Variants in PTPN13 observed in about 807,000 individuals in gnomAD.
PTPN13 encodes the protein protein tyrosine phosphatase non-receptor type 13.
PTPN13 carries 191 observed loss-of-function variants against 284.0 expected under a neutral mutation model. That is an observed-to-expected ratio of 0.67 (90% CI 0.60 to 0.76). The LOEUF is 0.76. Among genes scored for constraint, PTPN13 ranks in the 30% least tolerant of loss-of-function variants. PTPN13 has a pLI of 0.00. For missense variants in PTPN13, 2,797 were observed against 2,939.9 expected (o/e 0.95, Z 1.12); for synonymous variants, 986 against 1,022.3 (o/e 0.96, Z 0.68).
At chr4:86,680,401 C>CTA (rs1554306720) in intron 3 of PTPN13, among the ~76,000 whole-genome samples, 2 of 132,820 alleles carry the variant, frequency 1.5e-5, no homozygotes, top group East Asian at 2.1e-4. Context: ...ATCTATCTAT[C>CTA]TCTATCTCTA....
chr4:86,694,678 T>C (rs1029311133), intron 6 of PTPN13, among the ~76,000 whole-genome samples: 10 of 151,950 alleles, frequency 6.6e-5, no homozygotes, highest in African/African-American at 2.4e-4. Flanking sequence ...ATTGCTACTT[T>C]CAGGCATGGC....
chr4:86,615,763 G>A (rs1220355819), intron 1 of PTPN13, among the ~76,000 whole-genome samples: 1 of 152,072 alleles, frequency 6.6e-6, no homozygotes, highest in East Asian at 1.9e-4. Flanking sequence ...ATTGGTCTCA[G>A]TTCTGCATTC....
Position 86,635,322 on chromosome 4 carries a change from G to A in PTPN13, c.66G>A (p.Trp22Ter). 3 of 1,607,528 alleles carry A rather than the reference G, an allele frequency of 1.9e-6. No homozygotes were observed. The highest frequency in any genetic ancestry group is 2.5e-6 in the Non-Finnish European group (3 of 1,177,234). ...RGGPLQEEEI[W>*]AVLNQSAESL... is the part of the protein sequence containing the mutation. ...GACCACTTCAGGAGGAAGAAATATG[G>A]GCTGTATTAAATCAAAGTGCTGAAA... Residue 22 changes from tryptophan to a stop codon, truncating the protein, a stop_gained, in exon 2 of 48, where the codon TGG becomes TGA. Coordinates refer to ENST00000411767, the MANE Select transcript of PTPN13 (RefSeq NM_080683.3). LOFTEE classifies it high-confidence loss of function.
chr4:86,725,438 T>C (rs572082255), intron 10 of PTPN13, among the ~76,000 whole-genome samples: 1 of 149,634 alleles, frequency 6.7e-6, no homozygotes, highest in East Asian at 1.9e-4. Flanking sequence ...CCACCAACAG[T>C]GTAAAAGCGT....
At chr4:86,705,685 A>G (rs1731684689) in intron 7 of PTPN13, among the ~76,000 whole-genome samples, 1 of 152,200 alleles carries the variant, frequency 6.6e-6, no homozygotes. Context: ...TTATCGAAAC[A>G]TATTCTTGGG....
intron 1 of PTPN13, among the ~76,000 whole-genome samples, chr4:86,612,766 A>C (rs188844531): frequency 6.6e-6 from 1 of 152,242 alleles, no homozygotes; most frequent in African/African-American, 2.4e-5. Flanking sequence ...AAAGATGACT[A>C]TTACAGTATA....
At position 86,758,320 on chromosome 4, in the gene PTPN13, A is replaced by G; in HGVS notation, c.3284A>G (p.Asn1095Ser). Residue 1095 changes from asparagine to serine, a missense_variant, in exon 21 of 48, where the codon AAC (asparagine) becomes AGC (serine). Coordinates refer to ENST00000411767, the MANE Select transcript of PTPN13 (RefSeq NM_080683.3). ...SSPEREITLV[N>S]LKKDAKYGLG... ...CCAGAAAGGGAGATCACCTTAGTGA[A>G]CCTGAAAAAAGATGCAAAGTATGGC... is the stretch of plus-strand genomic sequence containing the variant. 1 of 1,611,742 alleles carries G rather than the reference A, an allele frequency of 6.2e-7. No individual in the cohort carries two copies. The highest frequency in any genetic ancestry group is 8.5e-7 in the Non-Finnish European group (1 of 1,178,588).
intron 47 of PTPN13, among the ~76,000 whole-genome samples, chr4:86,811,834 G>T (rs1044694115): frequency 7.9e-5 from 12 of 152,126 alleles, no homozygotes; most frequent in Non-Finnish European, 1.3e-4. Context: ...ATTAGCATTT[G>T]CCTACTTTCC....
chr4:86,763,932 T>C (rs1177908373), intron 24 of PTPN13, among the ~76,000 whole-genome samples: 1 of 152,050 alleles, frequency 6.6e-6, no homozygotes, highest in Non-Finnish European at 1.5e-5. Context: ...GAGAGTAGCT[T>C]ATTCCTAGAA....
intron 9 of PTPN13, among the ~76,000 whole-genome samples, chr4:86,721,287 C>G (rs1733620061): frequency 6.6e-6 from 1 of 151,848 alleles, no homozygotes; most frequent in Admixed American, 6.6e-5. Context: ...TTGACCCTCC[C>G]CTTAAGTGAG....
intron 7 of PTPN13, among the ~76,000 whole-genome samples, chr4:86,713,353 C>T (rs1578474409): frequency 6.6e-6 from 1 of 152,024 alleles, no homozygotes; most frequent in East Asian, 1.9e-4. Context: ...GGCAGTTCCT[C>T]TTAAGTAAAA....
intron 1 of PTPN13, among the ~76,000 whole-genome samples, chr4:86,618,142 T>G (rs1720784694): frequency 6.6e-6 from 1 of 152,116 alleles, no homozygotes; most frequent in African/African-American, 2.4e-5. Context: ...GCTTTCTACA[T>G]ATGGCTAGCC....
At chr4:86,662,726 G>A (rs2092104026) in intron 2 of PTPN13, among the ~76,000 whole-genome samples, 1 of 152,198 alleles carries the variant, frequency 6.6e-6, no homozygotes, top group Admixed American at 6.5e-5. Context: ...TGCTCTCAAA[G>A]TTTGGATACT....
rs34944218 is a variant in PTPN13, at chr4:86,789,842, CT to C, written c.6345+3922del. ...TTGGTTAATACAGGTATCACTGTAG[CT>C]TTTTTTTTTTTTTTTGAGTAACAGC... On this transcript the variant is annotated intron_variant, in intron 40 of 47. Coordinates refer to ENST00000411767, the MANE Select transcript of PTPN13 (RefSeq NM_080683.3). Among the ~76,000 whole-genome samples, 1,305 of 135,890 alleles carry C rather than the reference CT, an allele frequency of 9.6e-3. 8 individuals are homozygous for C. Among genetic ancestry groups the C allele is most frequent in the African/African-American group, 0.026 (970 of 37,114 alleles). The allele number at this position is 135,890 out of a possible 152,430, so 89.1% of individuals were successfully genotyped here. A position where few individuals can be genotyped will look rare whatever the true frequency, so the allele number is the denominator to read the frequency against.
chr4:86,705,743 A>G (rs754353247), intron 7 of PTPN13, among the ~76,000 whole-genome samples: 4 of 152,076 alleles, frequency 2.6e-5, no homozygotes, highest in Non-Finnish European at 5.9e-5. Context: ...TGAGTTAAAG[A>G]TAGAGTTTTA....
intron 3 of PTPN13, among the ~76,000 whole-genome samples, chr4:86,683,149 G>C (rs1377910511): frequency 6.7e-6 from 1 of 150,348 alleles, no homozygotes; most frequent in East Asian, 1.9e-4. Flanking sequence ...TAGGGTGTGT[G>C]CGTGTGTGTG....
chr4:86,771,427 T>C lies in PTPN13; in HGVS notation c.5060T>C (p.Val1687Ala), dbSNP rs764521104. The C allele has an allele frequency of 1.3e-6, 2 of 1,565,996 alleles. No individual in the cohort carries two copies. Among genetic ancestry groups the C allele is most frequent in the East Asian group, 4.7e-5 (2 of 42,622 alleles). The change falls in exon 31 of 48, where the codon GTA becomes GCA. Residue 1687 changes from valine (V) to alanine (A), a missense_variant. Val to Ala is a moderately conservative substitution (Grantham distance 64, BLOSUM62 0). Coordinates refer to ENST00000411767, the MANE Select transcript of PTPN13 (RefSeq NM_080683.3). ...TTGCATCAGACTCTAAGCAACATGG[T>C]ATCACAGGCACAGAGTCATCATGAA... ...SALHQTLSNMVSQAQSHHEAP... is the reference protein window; with the variant it reads ...SALHQTLSNMASQAQSHHEAP...
At chr4:86,738,704 A>G (rs1735809191) in intron 15 of PTPN13, among the ~76,000 whole-genome samples, 1 of 151,974 alleles carries the variant, frequency 6.6e-6, no homozygotes, top group African/African-American at 2.4e-5. Context: ...CTTTTTTTTA[A>G]GAGTCTCACT....
At chr4:86,761,239 T>G (rs769402950) in intron 23 of PTPN13, among the ~76,000 whole-genome samples, 1 of 150,284 alleles carries the variant, frequency 6.7e-6, no homozygotes, top group Non-Finnish European at 1.5e-5. Context: ...CTGTAACTGC[T>G]TACTCAACAT....
Sources: gnomAD v4.1 joint callset for allele counts (sites outside exome capture counted in the v4.1 genomes callset) on GRCh38, gnomAD v4.1.1 for gene constraint, MANE v1.5 for transcripts, NCBI Gene and HGNC (gene_info 2026-07-23, HGNC 2026-07-21) for gene names.